Variants in CDH18 observed in about 807,000 individuals in gnomAD.
CDH18 encodes the protein cadherin-18.
Under a neutral mutation model 67.9 loss-of-function variants are expected in CDH18, and 31 were observed. The observed-to-expected ratio is 0.46, with a 90% CI of 0.34 to 0.62. CDH18 has a LOEUF of 0.62. Among genes scored for constraint, CDH18 ranks in the 20% least tolerant of loss-of-function variants. The probability of loss-of-function intolerance (pLI) is 0.01; values close to 1 mark genes in which losing one functional copy is unlikely to be tolerated. For synonymous variants in CDH18, 362 were observed against 347.2 expected (o/e 1.04, Z -0.48); for missense variants, 890 against 975.5 (o/e 0.91, Z 1.17).
intron 5 of CDH18, among the ~76,000 whole-genome samples, chr5:19,706,941 G>T (rs1764044381): frequency 1.3e-5 from 2 of 152,182 alleles, no homozygotes; most frequent in African/African-American, 2.4e-5. Flanking sequence ...GCTATCAGCA[G>T]CTAAAAAGCA....
intron 2 of CDH18, among the ~76,000 whole-genome samples, chr5:20,060,567 CACTA>C (rs1352604389): frequency 8.5e-5 from 13 of 152,182 alleles, no homozygotes; most frequent in South Asian, 4.2e-4. Context: ...ACATTTTTCA[CACTA>C]ACTTTGAAAT....
At chr5:19,639,025 G>T (rs1439633770) in intron 5 of CDH18, among the ~76,000 whole-genome samples, 3 of 20,806 alleles carry the variant, frequency 1.4e-4, no homozygotes. Flanking sequence ...TCTTTTTTGA[G>T]ACAGTCTCAC....
chr5:19,584,772 GC>G (rs1369014277), intron 7 of CDH18, among the ~76,000 whole-genome samples: 1 of 106,334 alleles, frequency 9.4e-6, no homozygotes, highest in Non-Finnish European at 1.8e-5. Context: ...ACATGGTGAG[GC>G]CCCGTTTCTA....
intron 1 of CDH18, among the ~76,000 whole-genome samples, chr5:20,309,067 T>G (rs918722109): frequency 8.5e-5 from 13 of 152,210 alleles, no homozygotes; most frequent in African/African-American, 3.1e-4. Flanking sequence ...ATAAGAAAAC[T>G]AAACACACAT....
intron 5 of CDH18, among the ~76,000 whole-genome samples, chr5:19,721,027 T>C (rs1344852325): frequency 6.6e-6 from 1 of 152,172 alleles, no homozygotes; most frequent in Admixed American, 6.5e-5. Context: ...TTTGAAAATC[T>C]CACTCAATGT....
At chr5:20,241,900 A>ATG (rs1222521288) in intron 2 of CDH18, among the ~76,000 whole-genome samples, 3 of 145,588 alleles carry the variant, frequency 2.1e-5, no homozygotes, top group Admixed American at 2.1e-4. Context: ...ATGTATATAT[A>ATG]TATATATATT....
At chr5:19,588,664 C>A (rs80104903) in intron 7 of CDH18, among the ~76,000 whole-genome samples, 2,465 of 151,930 alleles carry the variant, frequency 0.016, 69 homozygotes, top group African/African-American at 0.056. Flanking sequence ...ACCCATCTCA[C>A]GTGCAAAGAC....
At chr5:20,435,520 T>A (rs755184363) in intron 1 of CDH18, among the ~76,000 whole-genome samples, 9 of 151,972 alleles carry the variant, frequency 5.9e-5, no homozygotes, top group Non-Finnish European at 1.3e-4. Context: ...ACCTCAATTG[T>A]GGGTAAGGCA....
intron 6 of CDH18, among the ~76,000 whole-genome samples, chr5:19,596,070 G>T (rs1169260462): frequency 6.6e-6 from 1 of 152,188 alleles, no homozygotes; most frequent in African/African-American, 2.4e-5. Context: ...TTGGTGAAGG[G>T]TAGGCAGTTT....
chr5:20,248,468 G>T (rs890497813), intron 2 of CDH18, among the ~76,000 whole-genome samples: 2 of 152,216 alleles, frequency 1.3e-5, no homozygotes, highest in Middle Eastern at 6.8e-3. Flanking sequence ...AATTCTCCTT[G>T]CCATGGACCT....
chr5:20,356,453 A>G (rs1467055420), intron 1 of CDH18, among the ~76,000 whole-genome samples: 1 of 152,196 alleles, frequency 6.6e-6, no homozygotes, highest in Non-Finnish European at 1.5e-5. Context: ...TGCACATGGA[A>G]GAAAAAATGG....
chr5:19,929,979 G>A (rs1275856571), intron 2 of CDH18, among the ~76,000 whole-genome samples: 4 of 151,994 alleles, frequency 2.6e-5, no homozygotes, highest in Non-Finnish European at 5.9e-5. Context: ...GAAAAAATAG[G>A]TTCAGATGTA....
intron 1 of CDH18, among the ~76,000 whole-genome samples, chr5:20,419,471 T>TTG (rs1560983717): frequency 4.1e-5 from 3 of 73,046 alleles, no homozygotes; most frequent in African/African-American, 8.5e-5. Context: ...TGTTTTTTTT[T>TTG]TTTTTTTTTT....
At chr5:20,328,473 TTGTGTGTGTGTGTG>T (rs70954646) in intron 1 of CDH18, among the ~76,000 whole-genome samples, 58 of 141,400 alleles carry the variant, frequency 4.1e-4, no homozygotes, top group Non-Finnish European at 5.6e-4. Context: ...GAGAAGCCAT[TTGTGTGTGTGTGTG>T]TGTGTGTGTG....
At chr5:20,488,802 A>C (rs142245725) in intron 1 of CDH18, among the ~76,000 whole-genome samples, 5 of 151,842 alleles carry the variant, frequency 3.3e-5, no homozygotes, top group African/African-American at 1.2e-4. Context: ...ATGTAAACCT[A>C]AGACCTTAGA....
intron 8 of CDH18, among the ~76,000 whole-genome samples, chr5:19,559,542 A>G (rs1739063086): frequency 6.6e-6 from 1 of 152,098 alleles, no homozygotes; most frequent in Middle Eastern, 3.2e-3. Flanking sequence ...AATAAAAGCC[A>G]TCTATGACAA....
At chr5:20,375,144 CT>C (rs1743310659) in intron 1 of CDH18, among the ~76,000 whole-genome samples, 1 of 152,162 alleles carries the variant, frequency 6.6e-6, no homozygotes, top group Admixed American at 6.5e-5. Flanking sequence ...TCCTGACCCC[CT>C]CTCTTAGCTT....
At chr5:19,620,140 G>A (rs1404709370) in intron 5 of CDH18, among the ~76,000 whole-genome samples, 2 of 152,162 alleles carry the variant, frequency 1.3e-5, no homozygotes, top group Non-Finnish European at 2.9e-5. Context: ...TTAGTAGGAA[G>A]ATTCAATACT....
At chr5:20,193,208 AAG>A (rs1467934734) in intron 2 of CDH18, among the ~76,000 whole-genome samples, 1 of 152,104 alleles carries the variant, frequency 6.6e-6, no homozygotes, top group East Asian at 1.9e-4. Flanking sequence ...AATAATAAAG[AAG>A]AGAGAATAAT....
Sources: gnomAD v4.1 joint callset for allele counts (sites outside exome capture counted in the v4.1 genomes callset) on GRCh38, gnomAD v4.1.1 for gene constraint, MANE v1.5 for transcripts, NCBI Gene and HGNC (gene_info 2026-07-23, HGNC 2026-07-21) for gene names.